Variants in RCBTB2 observed in about 807,000 individuals in gnomAD.
RCBTB2 encodes the protein RCC1 and BTB domain containing protein 2.
In RCBTB2, 55 loss-of-function variants were observed where a neutral mutation model predicts 65.4. That is an observed-to-expected ratio of 0.84 (90% CI 0.68 to 1.05). The LOEUF (loss-of-function observed/expected upper bound fraction) is 1.05, where lower values mean the gene tolerates loss of function less well. Ranked by LOEUF, RCBTB2 falls within the 50% of genes least tolerant of loss-of-function variation. The pLI, the probability that RCBTB2 is intolerant of heterozygous loss-of-function variation, is 0.00. For synonymous variants in RCBTB2, 220 were observed against 255.2 expected, an observed-to-expected ratio of 0.86 and a Z score of 1.31; for missense variants, 599 against 680.1, an observed-to-expected ratio of 0.88 and a Z score of 1.33.
chr13:48,496,548 AG>A (rs1949978759), intron 13 of RCBTB2, among the ~76,000 whole-genome samples: 1 of 151,942 alleles, frequency 6.6e-6, no homozygotes, highest in African/African-American at 2.4e-5. Context: ...GTTGAAAAAC[AG>A]GAGCACAGGG....
In RCBTB2 at chr13:48,527,341, T is replaced by TG. The variant is rs1566336972; in HGVS notation, c.-218-2585_-218-2584insC. On this transcript the variant is annotated intron_variant, in intron 1 of 14. Coordinates refer to ENST00000344532, the MANE Select transcript of RCBTB2 (RefSeq NM_001268.4). ...GGCTCATATATATATATATATGATA[T>TG]ATATATATATGATATATATTTATAT... Among the ~76,000 whole-genome samples, 439 of 124,114 alleles carry TG rather than the reference T, an allele frequency of 3.5e-3. 19 individuals carry two copies. The highest frequency in any genetic ancestry group is 0.021 in the African/African-American group (415 of 20,102). 81.4% of individuals were successfully genotyped at this position (124,114 alleles called of 152,430 possible).
chr13:48,519,678 A>G (rs750184084), intron 4 of RCBTB2, among the ~76,000 whole-genome samples: 5 of 152,232 alleles, frequency 3.3e-5, no homozygotes, highest in Non-Finnish European at 4.4e-5. Flanking sequence ...CTCTTCAAGG[A>G]GGTCACAATT....
chr13:48,531,110 T>C (rs1046641316), intron 1 of RCBTB2, among the ~76,000 whole-genome samples: 5 of 152,230 alleles, frequency 3.3e-5, no homozygotes, highest in Non-Finnish European at 7.3e-5. Context: ...TCTAACCTAA[T>C]ATACAAATAT....
rs763017265 is a variant in RCBTB2 at position 48,510,661 on chromosome 13, G to T, written c.894C>A (p.Ser298=). The change falls in exon 10 of 15, where the codon TCC becomes TCA. Residue 298 remains serine (S), a synonymous_variant. Coordinates refer to ENST00000344532, the MANE Select transcript of RCBTB2 (RefSeq NM_001268.4). The part of the protein sequence containing the change: ...QLGTGNKSNQ[S]YPTPVTVEKD... ...TTTCCACAGTGACAGGAGTAGGATA[G>T]GACTGGTTGCTTTTATTGCCAGTGC... The T allele has an allele frequency of 2.7e-5, 43 of 1,614,202 alleles. No homozygotes were observed. Among genetic ancestry groups the T allele is most frequent in the Non-Finnish European group, 3.6e-5 (43 of 1,180,042 alleles).
intron 1 of RCBTB2, among the ~76,000 whole-genome samples, chr13:48,527,396 T>TATGATATATATATATATGA (rs71076027): frequency 2.2e-5 from 3 of 137,874 alleles, no homozygotes; most frequent in African/African-American, 3.1e-5. Flanking sequence ...TATATTTATA[T>TATGATATATATATATATGA]TAAAAGGTGC....
chr13:48,494,242 T>C (rs1033165743), intron 14 of RCBTB2, among the ~76,000 whole-genome samples: 2 of 152,236 alleles, frequency 1.3e-5, no homozygotes, highest in Non-Finnish European at 2.9e-5. Flanking sequence ...CAGTCCAGCA[T>C]GAGGGATAAT....
At chr13:48,508,473 A>T (rs1357545501) in intron 10 of RCBTB2, among the ~76,000 whole-genome samples, 1 of 150,988 alleles carries the variant, frequency 6.6e-6, no homozygotes, top group Non-Finnish European at 1.5e-5. Flanking sequence ...CAGTGTCGCG[A>T]TCTCACTGCA....
intron 1 of RCBTB2, among the ~76,000 whole-genome samples, chr13:48,529,975 C>T (rs1287581246): frequency 6.6e-6 from 1 of 152,164 alleles, no homozygotes; most frequent in East Asian, 1.9e-4. Context: ...ACTGCAGCCT[C>T]AACCTTCCCG....
At chr13:48,506,547 C>T (rs972919685) in intron 10 of RCBTB2, among the ~76,000 whole-genome samples, 1 of 152,002 alleles carries the variant, frequency 6.6e-6, no homozygotes, top group African/African-American at 2.4e-5. Context: ...GGAAGGTGGC[C>T]CAGGGGATGA....
chr13:48,519,570 C>A (rs1476951006), intron 4 of RCBTB2, among the ~76,000 whole-genome samples: 2 of 152,122 alleles, frequency 1.3e-5, no homozygotes, highest in Non-Finnish European at 2.9e-5. Flanking sequence ...TTAATGAAAC[C>A]TCCAGTCTGT....
chr13:48,490,154 T>C lies in RCBTB2; in HGVS notation c.1613A>G (p.Asn538Ser). The change falls in exon 15 of 15, where the codon AAC becomes AGC. Residue 538 changes from asparagine (N) to serine (S), a missense_variant. Physicochemically the swap from Asn to Ser is conservative, Grantham distance 46. Coordinates refer to ENST00000344532, the MANE Select transcript of RCBTB2 (RefSeq NM_001268.4). Reference sequence around the variant, plus strand: ...AACTCTGCTTGCTTTGCTGATAAAGTTCTTCAGGAGATCATGGTCCATTTC... The same window carrying C: ...AACTCTGCTTGCTTTGCTGATAAAGCTCTTCAGGAGATCATGGTCCATTTC... Reference protein sequence around the residue: ...FAEMDHDLLKNFISKASRVGA... With the variant: ...FAEMDHDLLKSFISKASRVGA... The C allele has an allele frequency of 6.2e-7, 1 of 1,614,156 alleles. No individual in the cohort carries two copies. Among genetic ancestry groups the C allele is most frequent in the Non-Finnish European group, 8.5e-7 (1 of 1,179,996 alleles).
intron 14 of RCBTB2, among the ~76,000 whole-genome samples, chr13:48,495,902 T>C (rs1949944846): frequency 6.6e-6 from 1 of 152,230 alleles, no homozygotes; most frequent in East Asian, 1.9e-4. Flanking sequence ...CAAGTATTTT[T>C]CCCAGTGTCT....
intron 12 of RCBTB2, 26 bp from the exon 13 acceptor site, chr13:48,499,786 G>A: frequency 1.9e-6 from 3 of 1,613,616 alleles, no homozygotes; most frequent in Non-Finnish European, 2.5e-6. Flanking sequence ...AGTATGTCAG[G>A]TCCTAGCTTC....
intron 11 of RCBTB2, 95 bp downstream of exon 11, chr13:48,502,629 T>G (rs775315314): frequency 1.2e-4 from 144 of 1,226,934 alleles, no homozygotes; most frequent in Non-Finnish European, 1.5e-4. Flanking sequence ...TAAATTATGA[T>G]AGTGCACCTA....
intron 1 of RCBTB2, 118 bp downstream of exon 1, chr13:48,532,910 C>A: frequency 2.2e-6 from 1 of 444,924 alleles, no homozygotes; most frequent in South Asian, 1.6e-5. Context: ...CTGTCTCTGG[C>A]GGGGAGGTCG....
At chr13:48,535,017 A>G (rs1415290766), upstream of RCBTB2, among the ~76,000 whole-genome samples, 1 of 152,214 alleles carries the variant, frequency 6.6e-6, no homozygotes, top group Non-Finnish European at 1.5e-5. Flanking sequence ...TTACAGTCTC[A>G]AGGTTTTCAC....
At chr13:48,527,346 ATATATGATATATATT>A (rs1445162321) in intron 1 of RCBTB2, among the ~76,000 whole-genome samples, 4 of 123,728 alleles carry the variant, frequency 3.2e-5, no homozygotes, top group African/African-American at 1.5e-4. Context: ...TGATATATAT[ATATATGATATATATT>A]TATATATGAT....
chr13:48,535,395 G>A (rs1258170394), upstream of RCBTB2, among the ~76,000 whole-genome samples: 1 of 151,898 alleles, frequency 6.6e-6, no homozygotes, highest in Non-Finnish European at 1.5e-5. Flanking sequence ...AGTTGGAACG[G>A]CAGGTGTGTG....
intron 4 of RCBTB2, 74 bp from the exon 5 acceptor site, chr13:48,515,815 A>T: frequency 6.9e-7 from 1 of 1,450,488 alleles, no homozygotes; most frequent in Non-Finnish European, 9.4e-7. Flanking sequence ...GTTCTGTAGA[A>T]GAGGGCGAAC....
Sources: gnomAD v4.1 joint callset for allele counts (sites outside exome capture counted in the v4.1 genomes callset) on GRCh38, gnomAD v4.1.1 for gene constraint, MANE v1.5 for transcripts, NCBI Gene and HGNC (gene_info 2026-07-23, HGNC 2026-07-21) for gene names.